GPR176: variants seen among roughly 807,000 people sequenced by gnomAD.
GPR176 encodes G-protein coupled receptor 176.
Under a neutral mutation model 35.4 loss-of-function variants are expected in GPR176, and 26 were observed. That is an observed-to-expected ratio of 0.74 (90% CI 0.54 to 1.02). The LOEUF is 1.02. Among genes scored for constraint, GPR176 ranks in the 50% least tolerant of loss-of-function variants. GPR176 has a pLI of 0.00. For synonymous variants in GPR176, 278 were observed against 271.3 expected, an observed-to-expected ratio of 1.02 and a Z score of -0.24; for missense variants, 597 against 665.3, an observed-to-expected ratio of 0.90 and a Z score of 1.13.
At chr15:39,823,205 T>C (rs1208367540) in intron 1 of GPR176, among the ~76,000 whole-genome samples, 1 of 152,230 alleles carries the variant, frequency 6.6e-6, no homozygotes, top group African/African-American at 2.4e-5. Context: ...TGTTCCACTT[T>C]ACCTCTTATC....
rs74518777 is a variant in GPR176 at position 39,863,123 on chromosome 15, G to A, written c.173-55865C>T. Among the ~76,000 whole-genome samples the A allele has an allele frequency of 8.6e-3, 1,292 of 150,626 alleles. 16 individuals carry two copies. Among genetic ancestry groups the A allele is most frequent in the African/African-American group, 0.025 (1,035 of 41,002 alleles). On this transcript the variant is annotated intron_variant, in intron 1 of 2. Transcript: ENST00000561100. ...CTGTTGCCCAGAAGTGCAGTGGTGC[G>A]ATCTCGGCTCACTGCAAGCTCCGAC...
intron 1 of GPR176, among the ~76,000 whole-genome samples, chr15:39,820,114 G>A (rs1900170413): frequency 1.3e-5 from 2 of 152,282 alleles, no homozygotes; most frequent in South Asian, 4.1e-4. Flanking sequence ...CAGACCTCCT[G>A]TGTGTCCTTC....
chr15:39,808,625 C>T (rs764182516), intron 1 of GPR176, among the ~76,000 whole-genome samples: 1 of 152,172 alleles, frequency 6.6e-6, no homozygotes, highest in African/African-American at 2.4e-5. Context: ...GACTTGTTAT[C>T]TCTCCATTTC....
At chr15:39,919,313 A>G (rs1478679826) in intron 1 of GPR176, among the ~76,000 whole-genome samples, 3 of 152,204 alleles carry the variant, frequency 2.0e-5, no homozygotes, top group Non-Finnish European at 4.4e-5. Context: ...GACAGGCGAC[A>G]TACAGTTTAA....
At chr15:39,817,423 T>C (rs573184717) in intron 1 of GPR176, among the ~76,000 whole-genome samples, 2 of 152,330 alleles carry the variant, frequency 1.3e-5, no homozygotes, top group East Asian at 1.9e-4. Context: ...TATTGAAGAA[T>C]AGCAGAGGTA....
At position 39,919,861 on chromosome 15, in the gene GPR176, G is replaced by A. The variant is rs535515092; in HGVS notation, c.166C>T (p.Leu56=). The change falls in exon 1 of 3, where the codon CTG becomes TTG. Residue 56 remains leucine (L), a synonymous_variant. Coordinates refer to ENST00000561100, the MANE Select transcript of GPR176 (RefSeq NM_007223.3). ...TVQVVIFIGS[L]LGNFMVLWST... ...CGCCCCGCGGGAGGCTTACCGAGCA[G>A]CGAGCCTATGAAGATGACGACCTGC... 1.0e-5 allele frequency: 15 copies of A among 1,431,678 alleles called. No homozygotes were observed. The African/African-American group carries it at 1.8e-4, about 17-fold the overall frequency. 88.7% of individuals were successfully genotyped at this position (1,431,678 alleles called of 1,614,324 possible). A position where few individuals can be genotyped will look rare whatever the true frequency, so the allele number is the denominator to read the frequency against.
chr15:39,849,512 CAA>C (rs1346391813), intron 1 of GPR176, among the ~76,000 whole-genome samples: 2 of 152,090 alleles, frequency 1.3e-5, no homozygotes, highest in African/African-American at 4.8e-5. Context: ...AATAGTTACA[CAA>C]AAAGTCTTAA....
chr15:39,910,677 G>C (rs952029648), intron 1 of GPR176, among the ~76,000 whole-genome samples: 2 of 152,128 alleles, frequency 1.3e-5, no homozygotes, highest in African/African-American at 4.8e-5. Context: ...ACTAGCTCTG[G>C]AATAGACAAG....
Position 39,881,829 on chromosome 15 carries a change from A to C in GPR176, c.172+38026T>G, listed in dbSNP as rs1156518290. Among the ~76,000 whole-genome samples, 4 of 152,256 alleles carry C rather than the reference A, an allele frequency of 2.6e-5. No homozygotes were observed. In the East Asian group the frequency reaches 7.7e-4, roughly 29 times the overall value. On this transcript the variant is annotated intron_variant, in intron 1 of 2. Transcript: ENST00000561100. The stretch of plus-strand genomic sequence containing the variant: ...TACAAACAGTGAATCTCACTCTAGT[A>C]CAAGTAAAAAATGTGAATATGCAAC...
chr15:39,806,544 A>T (rs1319875096), intron 2 of GPR176, among the ~76,000 whole-genome samples: 1 of 152,216 alleles, frequency 6.6e-6, no homozygotes, highest in Non-Finnish European at 1.5e-5. Context: ...CCTCCAGAGG[A>T]ATTCTGGTGT....
At chr15:39,803,271 CT>C (rs769645892) in intron 2 of GPR176, among the ~76,000 whole-genome samples, 2,408 of 85,384 alleles carry the variant, frequency 0.028, 15 homozygotes, top group Non-Finnish European at 0.039. Context: ...ACAAGTACTT[CT>C]TTTTTTTTTT....
intron 1 of GPR176, among the ~76,000 whole-genome samples, chr15:39,851,927 G>A (rs968722425): frequency 2.0e-5 from 3 of 152,096 alleles, no homozygotes; most frequent in Non-Finnish European, 4.4e-5. Flanking sequence ...TTGATTGTAA[G>A]TGCTTCCTTG....
At chr15:39,829,321 CA>C in intron 1 of GPR176, 1 of 1,362,124 alleles carries the variant, frequency 7.3e-7, no homozygotes, top group Non-Finnish European at 9.5e-7. Flanking sequence ...CATGAGGTCA[CA>C]AAGAATGCCA....
Position 39,919,981 on chromosome 15 carries a change from G to A in GPR176, c.46C>T (p.His16Tyr), listed in dbSNP as rs2033834799. 2 of 1,464,598 alleles carry A rather than the reference G, an allele frequency of 1.4e-6. No homozygotes were observed. Among genetic ancestry groups the A allele is most frequent in the African/African-American group, 1.5e-5 (1 of 68,032 alleles). 90.7% of individuals were successfully genotyped at this position (1,464,598 alleles called of 1,614,324 possible). The change falls in exon 1 of 3, where the codon CAC (histidine) becomes TAC (tyrosine). Residue 16 changes from histidine to tyrosine, a missense_variant. Physicochemically the swap from His to Tyr is moderately conservative, Grantham distance 83 (BLOSUM62 2). Transcript: ENST00000561100. ...GCAGCCTCGGCGCCGGACGCGTTGT[G>A]CGGCTCGCTGGCATTTGGAGAGATC... is the stretch of plus-strand genomic sequence containing the variant. ...SWISPNASEP[H>Y]NASGAEAAGV... is the part of the protein sequence containing the mutation.
chr15:39,915,272 C>CA (rs1300111106), intron 1 of GPR176, among the ~76,000 whole-genome samples: 2 of 152,196 alleles, frequency 1.3e-5, no homozygotes, highest in East Asian at 3.8e-4. Context: ...TCCTGGTTTG[C>CA]AAACAGCTGC....
In GPR176 at chr15:39,799,712, G is replaced by A. The variant is rs898146962; in HGVS notation, c.*1420C>T. ...AAGAGCAAGAACACAACACTCTAGA[G>A]AAAAGGGCAGAGCTGGCGCTTGGTT... On this transcript the variant is annotated 3_prime_UTR_variant, in exon 3 of 3. Transcript: ENST00000561100. The A allele has an allele frequency of 6.6e-6, 1 of 152,272 alleles. No homozygotes were observed. Among genetic ancestry groups the A allele is most frequent in the African/African-American group, 2.4e-5 (1 of 41,452 alleles). The allele number at this position is 152,272 out of a possible 1,614,324, so 9.4% of individuals were successfully genotyped here.
chr15:39,883,185 A>G (rs1392521158), intron 1 of GPR176, among the ~76,000 whole-genome samples: 3 of 152,218 alleles, frequency 2.0e-5, no homozygotes, highest in African/African-American at 7.2e-5. Context: ...TGATGGAACC[A>G]TCATACATTT....
chr15:39,908,127 C>G (rs903637395), intron 1 of GPR176, among the ~76,000 whole-genome samples: 11 of 152,244 alleles, frequency 7.2e-5, no homozygotes, highest in African/African-American at 2.7e-4. Context: ...TGCCTCTGCA[C>G]ATCCATGAAC....
intron 1 of GPR176, among the ~76,000 whole-genome samples, chr15:39,876,057 G>A (rs554679363): frequency 6.6e-6 from 1 of 151,754 alleles, no homozygotes; most frequent in Admixed American, 6.6e-5. Context: ...AGGCTGAGGT[G>A]GGAGGATCAC....
Sources: gnomAD v4.1 joint callset for allele counts (sites outside exome capture counted in the v4.1 genomes callset) on GRCh38, gnomAD v4.1.1 for gene constraint, MANE v1.5 for transcripts, NCBI Gene and HGNC (gene_info 2026-07-23, HGNC 2026-07-21) for gene names.